BAZ2B: variants seen among roughly 807,000 people sequenced by gnomAD.
The protein encoded by BAZ2B is bromodomain adjacent to zinc finger domain 2B, also known as bromodomain adjacent to zinc finger domain protein 2B.
A neutral mutation model predicts 246.0 loss-of-function variants in BAZ2B; 91 were observed. That is an observed-to-expected ratio of 0.37 (90% CI 0.31 to 0.44). The LOEUF (loss-of-function observed/expected upper bound fraction) is 0.44. Among genes scored for constraint, BAZ2B ranks in the 20% least tolerant of loss-of-function variants. BAZ2B has a pLI of 1.00. For synonymous variants in BAZ2B, 855 were observed against 860.0 expected (o/e 0.99, Z 0.10); for missense variants, 2,332 against 2,533.7 (o/e 0.92, Z 1.71).
chr2:159,710,497 G>A, the BAZ2B span, among the ~76,000 whole-genome samples: 5 of 152,168 alleles, frequency 3.3e-5, 1 homozygote, highest in South Asian at 4.1e-4. Context: ...CATGAGCCAC[G>A]GCGCCCGGCT....
chr2:159,618,065 T>C (rs1696267731), upstream of BAZ2B, among the ~76,000 whole-genome samples: 1 of 152,250 alleles, frequency 6.6e-6, no homozygotes. Context: ...TTTATTTCAT[T>C]CTCAGGATTC....
intron 23 of BAZ2B, 37 bp downstream of exon 23, chr2:159,385,118 A>C: frequency 6.4e-7 from 1 of 1,561,046 alleles, no homozygotes; most frequent in Non-Finnish European, 8.8e-7. Flanking sequence ...AAAATTCAAA[A>C]TGGAAAAATC....
At chr2:159,376,519 A>G (rs1297660543) in intron 25 of BAZ2B, among the ~76,000 whole-genome samples, 1 of 152,212 alleles carries the variant, frequency 6.6e-6, no homozygotes, top group East Asian at 1.9e-4. Flanking sequence ...TTGTGCTAAC[A>G]GTAACATGAA....
intron 19 of BAZ2B, chr2:159,396,485 G>A (rs556769639): frequency 6.6e-6 from 1 of 152,236 alleles, no homozygotes; most frequent in Admixed American, 6.5e-5. Flanking sequence ...AGCCACAAAA[G>A]CTGCACCATG....
At chr2:159,477,023 C>G (rs570545652) in intron 3 of BAZ2B, among the ~76,000 whole-genome samples, 2 of 152,180 alleles carry the variant, frequency 1.3e-5, no homozygotes, top group East Asian at 1.9e-4. Context: ...ATATATAGTG[C>G]GGCTGGGCGC....
chr2:159,388,297 T>C (rs1003750613), intron 21 of BAZ2B, among the ~76,000 whole-genome samples: 2 of 152,140 alleles, frequency 1.3e-5, no homozygotes, highest in South Asian at 2.1e-4. Context: ...TTCTTAACTA[T>C]AGTCAAAACA....
intron 6 of BAZ2B, among the ~76,000 whole-genome samples, chr2:159,443,540 G>A (rs1339325831): frequency 6.6e-6 from 1 of 152,030 alleles, no homozygotes; most frequent in Non-Finnish European, 1.5e-5. Flanking sequence ...AAAAGTATAG[G>A]ATTTTCTTCT....
At chr2:159,386,265 T>A in intron 22 of BAZ2B, 88 bp downstream of exon 22, 1 of 1,311,966 alleles carries the variant, frequency 7.6e-7, no homozygotes, top group Non-Finnish European at 1.0e-6. Context: ...TAGATCAATC[T>A]ATATAATCTT....
chr2:159,566,288 G>A (rs949656637), intron 1 of BAZ2B, among the ~76,000 whole-genome samples: 26 of 152,136 alleles, frequency 1.7e-4, no homozygotes, highest in African/African-American at 6.3e-4. Context: ...TGGGATTACA[G>A]GTGTGACCCA....
intron 22 of BAZ2B, among the ~76,000 whole-genome samples, chr2:159,385,777 C>A (rs2149538637): frequency 6.6e-6 from 1 of 152,142 alleles, no homozygotes; most frequent in Non-Finnish European, 1.5e-5. Flanking sequence ...ATAGGTTTTA[C>A]TGGCTGGGGA....
At chr2:159,576,599 GA>G (rs1241423856) in intron 1 of BAZ2B, among the ~76,000 whole-genome samples, 1 of 151,072 alleles carries the variant, frequency 6.6e-6, no homozygotes, top group African/African-American at 2.4e-5. Flanking sequence ...CCACCACTCT[GA>G]AAGGCAGTTC....
chr2:159,462,066 A>G (rs2076470354), intron 3 of BAZ2B: 1 of 247,444 alleles, frequency 4.0e-6, no homozygotes, highest in South Asian at 5.2e-5. Context: ...TACCTTGTCT[A>G]AATCAGTAGC....
At chr2:159,706,615 T>C in the BAZ2B span, among the ~76,000 whole-genome samples, 1 of 152,318 alleles carries the variant, frequency 6.6e-6, no homozygotes, top group South Asian at 2.1e-4. Flanking sequence ...GCTAGTTCAA[T>C]TTGGTTTTAT....
At chr2:159,316,508 G>A (rs1053662895), downstream of BAZ2B, among the ~76,000 whole-genome samples, 1 of 151,560 alleles carries the variant, frequency 6.6e-6, no homozygotes, top group African/African-American at 2.4e-5. Flanking sequence ...TGGCTAACAC[G>A]GTGAAACCCC....
chr2:159,352,575 T>C (rs1402971475), intron 27 of BAZ2B, among the ~76,000 whole-genome samples: 1 of 151,816 alleles, frequency 6.6e-6, no homozygotes, highest in African/African-American at 2.4e-5. Context: ...AACCTCGACC[T>C]ACCAAGCTCA....
intron 8 of BAZ2B, among the ~76,000 whole-genome samples, chr2:159,436,875 G>T (rs1211871190): frequency 2.0e-5 from 3 of 152,108 alleles, no homozygotes; most frequent in Non-Finnish European, 4.4e-5. Flanking sequence ...TCAGTGTAAG[G>T]GTACTGAAGG....
At chr2:159,571,042 C>T (rs1033544867) in intron 1 of BAZ2B, among the ~76,000 whole-genome samples, 10 of 151,888 alleles carry the variant, frequency 6.6e-5, no homozygotes, top group South Asian at 2.1e-4. Flanking sequence ...TTAATAGAAA[C>T]GAAGTTTTGC....
At chr2:159,546,553 A>G (rs1251672245) in intron 2 of BAZ2B, among the ~76,000 whole-genome samples, 2 of 149,648 alleles carry the variant, frequency 1.3e-5, no homozygotes, top group East Asian at 3.9e-4. Flanking sequence ...CTTTTAGTTC[A>G]CTCTGATGTC....
At chr2:159,438,852 G>T in intron 7 of BAZ2B, 157 bp from the exon 8 acceptor site, 1 of 1,207,530 alleles carries the variant, frequency 8.3e-7, no homozygotes, top group Non-Finnish European at 1.1e-6. Flanking sequence ...AATACCGTAT[G>T]TCCCTTTAAA....
Sources: gnomAD v4.1 joint callset for allele counts (sites outside exome capture counted in the v4.1 genomes callset) on GRCh38, gnomAD v4.1.1 for gene constraint, MANE v1.5 for transcripts, NCBI Gene and HGNC (gene_info 2026-07-23, HGNC 2026-07-21) for gene names.